SLC5A4: variants seen among roughly 807,000 people sequenced by gnomAD.
SLC5A4 encodes the protein solute carrier family 5 member 4, also known as probable glucose sensor protein SLC5A4.
In SLC5A4, 55 loss-of-function variants were observed where a neutral mutation model predicts 70.3. That is an observed-to-expected ratio of 0.78 (90% CI 0.63 to 0.98). The LOEUF (loss-of-function observed/expected upper bound fraction) is 0.98. Ranked by LOEUF, SLC5A4 falls within the 50% of genes least tolerant of loss-of-function variation. The probability of loss-of-function intolerance (pLI) is 0.00; values close to 1 mark genes in which losing one functional copy is unlikely to be tolerated. For missense variants in SLC5A4, 735 were observed against 839.2 expected (o/e 0.88, Z 1.53); for synonymous variants, 268 against 305.7 (o/e 0.88, Z 1.29).
At chr22:32,242,972 TG>T in intron 5 of SLC5A4, among the ~76,000 whole-genome samples, 1 of 152,176 alleles carries the variant, frequency 6.6e-6, no homozygotes, top group Non-Finnish European at 1.5e-5. Flanking sequence ...GAAGAGGAAC[TG>T]GATATTTCAG....
the SLC5A4 span, among the ~76,000 whole-genome samples, chr22:32,323,256 T>G: frequency 6.6e-6 from 1 of 151,934 alleles, no homozygotes; most frequent in African/African-American, 2.4e-5. Flanking sequence ...CCTCACCCCC[T>G]CCCCTGCATG....
At position 32,225,688 on chromosome 22, in the gene SLC5A4, C is replaced by A; in HGVS notation, c.1416G>T (p.Val472=). ...TGACTCTTTTACAGAAGATGGCAAG[C>A]ACAAAGACAGCTGCAATTGGAGGCC... is the stretch of plus-strand genomic sequence containing the variant. The part of the protein sequence containing the change: ...YLGPPIAAVF[V]LAIFCKRVNE... The change falls in exon 12 of 15, where the codon GTG becomes GTT. Residue 472 remains valine (V), a synonymous_variant. Transcript: ENST00000266086. 6.2e-7 allele frequency: 1 copy of A among 1,613,218 alleles called. No individual in the cohort carries two copies. The highest frequency in any genetic ancestry group is 8.5e-7 in the Non-Finnish European group (1 of 1,179,582).
the SLC5A4 span, chr22:32,272,644 A>C: frequency 1.7e-6 from 1 of 579,886 alleles, no homozygotes; most frequent in Non-Finnish European, 3.2e-6. Flanking sequence ...GTGTACATGT[A>C]CCTGCCTGAA....
upstream of SLC5A4, among the ~76,000 whole-genome samples, chr22:32,257,627 C>T (rs553432163): frequency 3.3e-5 from 5 of 151,274 alleles, no homozygotes; most frequent in Non-Finnish European, 7.4e-5. Context: ...GCTGGGATTA[C>T]AGGCATGAGC....
intron 6 of SLC5A4, among the ~76,000 whole-genome samples, chr22:32,237,991 A>G (rs1926161096): frequency 1.3e-5 from 2 of 152,294 alleles, no homozygotes; most frequent in Admixed American, 1.3e-4. Context: ...CTGTACCAAA[A>G]TAGAGACACT....
chr22:32,255,479 C>G, upstream of SLC5A4: 1 of 749,710 alleles, frequency 1.3e-6, no homozygotes, highest in Non-Finnish European at 2.2e-6. Flanking sequence ...GCTGTGGCAC[C>G]CCAGCCCTCC....
the SLC5A4 span, among the ~76,000 whole-genome samples, chr22:32,314,743 C>T: frequency 6.6e-6 from 1 of 152,128 alleles, no homozygotes; most frequent in Non-Finnish European, 1.5e-5. Context: ...TTCCACATGG[C>T]TGGGGAGGCC....
chr22:32,234,907 G>A lies in SLC5A4; in HGVS notation c.851C>T (p.Pro284Leu), dbSNP rs549492267. 6.2e-7 allele frequency: 1 copy of A among 1,612,534 alleles called. No individual in the cohort carries two copies. Among genetic ancestry groups the A allele is most frequent in the African/African-American group, 1.3e-5 (1 of 74,166 alleles). Residue 284 changes from proline to leucine, a missense_variant, in exon 8 of 15, where the codon CCC becomes CTC. By Grantham distance (98) the Pro-to-Leu change is moderately conservative (BLOSUM62 -3). Coordinates refer to ENST00000266086, the MANE Select transcript of SLC5A4 (RefSeq NM_014227.3). ...GCACCAGTACCACAAAGCTGTAATG[G>A]GCATTCCAAATATAATTCCTGGCCA... ...IPWPGIIFGM[P>L]ITALWYWCTN...
the SLC5A4 span, among the ~76,000 whole-genome samples, chr22:32,306,941 G>T: frequency 6.6e-6 from 1 of 152,132 alleles, no homozygotes; most frequent in Non-Finnish European, 1.5e-5. Flanking sequence ...CTTGGTTCCA[G>T]TTGTGGCCAG....
intron 5 of SLC5A4, among the ~76,000 whole-genome samples, chr22:32,242,270 C>G (rs908527091): frequency 2.0e-5 from 3 of 152,158 alleles, no homozygotes; most frequent in African/African-American, 7.2e-5. Flanking sequence ...GACTCCAGGA[C>G]TGGAGCAGGG....
At chr22:32,291,567 A>C in the SLC5A4 span, among the ~76,000 whole-genome samples, 1 of 152,188 alleles carries the variant, frequency 6.6e-6, no homozygotes, top group African/African-American at 2.4e-5. Flanking sequence ...TGACACATTT[A>C]CTGTGTTGTC....
At chr22:32,315,621 T>G in the SLC5A4 span, among the ~76,000 whole-genome samples, 1 of 151,978 alleles carries the variant, frequency 6.6e-6, no homozygotes, top group African/African-American at 2.4e-5. Flanking sequence ...CTTTCCAAAT[T>G]ATCAGAAGAC....
intron 13 of SLC5A4, 30 bp from the exon 14 acceptor site, chr22:32,221,052 G>C (rs929834144): frequency 7.2e-7 from 1 of 1,393,288 alleles, no homozygotes; most frequent in Admixed American, 1.7e-5. Flanking sequence ...AAGTGCATTA[G>C]TAATAGGCAA....
the SLC5A4 span, among the ~76,000 whole-genome samples, chr22:32,345,855 A>G: frequency 6.6e-6 from 1 of 152,234 alleles, no homozygotes; most frequent in Non-Finnish European, 1.5e-5. Flanking sequence ...CATGTTACTG[A>G]GATTAAATCC....
At chr22:32,297,392 G>A in the SLC5A4 span, among the ~76,000 whole-genome samples, 2 of 151,512 alleles carry the variant, frequency 1.3e-5, no homozygotes, top group Admixed American at 6.6e-5. Context: ...GAGAGTGTAC[G>A]TGTCCAGGAA....
At chr22:32,223,042 G>A (rs996781856) in intron 13 of SLC5A4, among the ~76,000 whole-genome samples, 6 of 151,918 alleles carry the variant, frequency 3.9e-5, no homozygotes, top group Admixed American at 1.3e-4. Context: ...TTCAGAAAGC[G>A]CTATTATACA....
At chr22:32,321,319 A>T in the SLC5A4 span, among the ~76,000 whole-genome samples, 2 of 151,916 alleles carry the variant, frequency 1.3e-5, no homozygotes, top group African/African-American at 4.8e-5. Context: ...AGGCATGGTG[A>T]TAGGCACCTG....
the SLC5A4 span, among the ~76,000 whole-genome samples, chr22:32,329,883 G>A: frequency 6.6e-5 from 3 of 45,160 alleles, no homozygotes; most frequent in African/African-American, 1.1e-4. Flanking sequence ...TGGAGGCTCT[G>A]GTGTGTATGT....
the SLC5A4 span, among the ~76,000 whole-genome samples, chr22:32,262,813 A>G: frequency 6.6e-6 from 1 of 152,050 alleles, no homozygotes; most frequent in Admixed American, 6.6e-5. Flanking sequence ...TCTGTTGCCC[A>G]GGCTGGAGTG....
Sources: gnomAD v4.1 joint callset for allele counts (sites outside exome capture counted in the v4.1 genomes callset) on GRCh38, gnomAD v4.1.1 for gene constraint, MANE v1.5 for transcripts, NCBI Gene and HGNC (gene_info 2026-07-23, HGNC 2026-07-21) for gene names.